PALM2AKAP2: variants seen among roughly 807,000 people sequenced by gnomAD.
The protein encoded by PALM2AKAP2 is PALM2 and AKAP2 fusion.
Under a neutral mutation model 71.5 loss-of-function variants are expected in PALM2AKAP2, and 37 were observed. The observed-to-expected ratio is 0.52, with a 90% confidence interval of 0.40 to 0.68. The LOEUF is 0.68. PALM2AKAP2 is among the 30% of genes least tolerant of loss of function. The probability of loss-of-function intolerance (pLI) is 0.00; values close to 1 mark genes in which losing one functional copy is unlikely to be tolerated. For missense variants in PALM2AKAP2, 1,224 were observed against 1,191.8 expected (o/e 1.03, Z -0.40); for synonymous variants, 468 against 478.8 (o/e 0.98, Z 0.29).
intron 1 of PALM2AKAP2, among the ~76,000 whole-genome samples, chr9:109,661,907 T>C (rs1302114363): frequency 6.6e-6 from 1 of 152,188 alleles, no homozygotes; most frequent in Non-Finnish European, 1.5e-5. Flanking sequence ...GATTCCTAGG[T>C]ATTTTATTCT....
At chr9:110,027,767 G>A (rs1300617896) in intron 7 of PALM2AKAP2, among the ~76,000 whole-genome samples, 1 of 152,194 alleles carries the variant, frequency 6.6e-6, no homozygotes, top group Non-Finnish European at 1.5e-5. Context: ...TCTTCCGGTG[G>A]TGAATAGAGG....
Position 109,660,646 on chromosome 9 carries a change from G to A in PALM2AKAP2, c.5+19780G>A, listed in dbSNP as rs145760510. Among the ~76,000 whole-genome samples, 472 of 152,112 alleles carry A rather than the reference G, an allele frequency of 3.1e-3. 6 individuals carry two copies. The East Asian group carries it at 0.045, about 14-fold the overall frequency. On this transcript the variant is annotated intron_variant, in intron 1 of 6. Coordinates refer to the PALM2AKAP2 transcript ENST00000374531. ...AGTCTTTTCTATTGTGAATAGTGCC[G>A]CAATAAATATACGTGTGCATGTGTC...
intron 6 of PALM2AKAP2, among the ~76,000 whole-genome samples, chr9:109,941,145 CTTTT>C (rs34635858): frequency 1.0e-3 from 106 of 106,272 alleles, no homozygotes; most frequent in African/African-American, 3.7e-3. Flanking sequence ...TCTTCCTCTT[CTTTT>C]TTTTTTTTTT....
chr9:109,829,404 A>G (rs1011455886), intron 1 of PALM2AKAP2, among the ~76,000 whole-genome samples: 5 of 152,132 alleles, frequency 3.3e-5, no homozygotes, highest in Admixed American at 6.5e-5. Flanking sequence ...AGGACTAGAG[A>G]GTGACTGATT....
At chr9:109,760,143 C>T (rs185158949) in intron 1 of PALM2AKAP2, among the ~76,000 whole-genome samples, 1 of 152,266 alleles carries the variant, frequency 6.6e-6, no homozygotes, top group African/African-American at 2.4e-5. Context: ...TGAAAAGAAT[C>T]ATGCATCCTG....
At chr9:110,036,214 C>T (rs955366140) in intron 7 of PALM2AKAP2, among the ~76,000 whole-genome samples, 1 of 152,158 alleles carries the variant, frequency 6.6e-6, no homozygotes, top group Non-Finnish European at 1.5e-5. Context: ...GGATTACAGG[C>T]GTGAGCCACT....
chr9:109,934,826 T>C (rs574853311), intron 6 of PALM2AKAP2, among the ~76,000 whole-genome samples: 1 of 152,384 alleles, frequency 6.6e-6, no homozygotes, highest in African/African-American at 2.4e-5. Flanking sequence ...ATACATATAC[T>C]ACTTCACCTG....
intron 7 of PALM2AKAP2, among the ~76,000 whole-genome samples, chr9:110,037,805 C>T (rs781231456): frequency 6.6e-6 from 1 of 152,108 alleles, no homozygotes; most frequent in Non-Finnish European, 1.5e-5. Context: ...TTGCAATATA[C>T]TTGTTAATTT....
intron 6 of PALM2AKAP2, among the ~76,000 whole-genome samples, chr9:110,001,622 G>A (rs944365024): frequency 1.3e-5 from 2 of 152,076 alleles, no homozygotes; most frequent in African/African-American, 4.8e-5. Context: ...CCATTTTCAT[G>A]ATATTGATTC....
upstream of PALM2AKAP2, among the ~76,000 whole-genome samples, chr9:110,046,207 C>T (rs139793957): frequency 2.0e-5 from 3 of 152,226 alleles, no homozygotes; most frequent in East Asian, 5.8e-4. Flanking sequence ...ACAAATTAAA[C>T]AACTATTTCT....
chr9:109,782,611 C>G (rs559818879), intron 1 of PALM2AKAP2, among the ~76,000 whole-genome samples: 5 of 152,024 alleles, frequency 3.3e-5, no homozygotes, highest in African/African-American at 1.2e-4. Flanking sequence ...ATGCAAATAC[C>G]ATGCTATTTT....
intron 3 of PALM2AKAP2, among the ~76,000 whole-genome samples, chr9:109,894,666 A>G (rs1332173054): frequency 6.6e-6 from 1 of 152,198 alleles, no homozygotes; most frequent in Non-Finnish European, 1.5e-5. Context: ...GAGTGCTAGT[A>G]TTGGTCTGTG....
chr9:109,960,461 T>C (rs1442611712), intron 6 of PALM2AKAP2, among the ~76,000 whole-genome samples: 1 of 152,136 alleles, frequency 6.6e-6, no homozygotes, highest in Non-Finnish European at 1.5e-5. Context: ...TTATAGACCA[T>C]AGATGAAAAA....
At chr9:110,053,527 C>CAAAAAAAAAAAAAAAAAAAAGAAAA (rs1833757150) in intron 1 of PALM2AKAP2, among the ~76,000 whole-genome samples, 2 of 82,876 alleles carry the variant, frequency 2.4e-5, no homozygotes, top group East Asian at 4.0e-4. Context: ...AACTCTGTCT[C>CAAAAAAAAAAAAAAAAAAAAGAAAA]AAAAAAAAAA....
intron 1 of PALM2AKAP2, among the ~76,000 whole-genome samples, chr9:109,758,540 G>A (rs1829001798): frequency 6.6e-6 from 1 of 151,860 alleles, no homozygotes; most frequent in Admixed American, 6.6e-5. Context: ...TTGTGTGTGT[G>A]TGTGTGTGTG....
chr9:109,903,955 A>G (rs1357994150), intron 3 of PALM2AKAP2, among the ~76,000 whole-genome samples: 1 of 152,254 alleles, frequency 6.6e-6, no homozygotes, highest in Non-Finnish European at 1.5e-5. Context: ...GAATCTACAG[A>G]TATTCCTGAA....
At position 110,090,941 on chromosome 9, in the gene PALM2AKAP2, T is replaced by G. The variant is rs569374428; in HGVS notation, c.156+42086T>G. Among the ~76,000 whole-genome samples the G allele has an allele frequency of 2.0e-5, 3 of 148,906 alleles. No individual in the cohort carries two copies. In the Admixed American group the frequency reaches 2.1e-4, roughly 10 times the overall value. On this transcript the variant is annotated intron_variant, in intron 1 of 3. Transcript: ENST00000374525. Reference sequence around the variant, plus strand: ...GAATGTATGAACGGTATACATGCTATGCTTTAAAATCTAGCTCAATTTTTT... The same window carrying G: ...GAATGTATGAACGGTATACATGCTAGGCTTTAAAATCTAGCTCAATTTTTT...
At chr9:110,097,724 C>A (rs1834888053) in intron 1 of PALM2AKAP2, among the ~76,000 whole-genome samples, 1 of 144,548 alleles carries the variant, frequency 6.9e-6, no homozygotes, top group African/African-American at 2.8e-5. Flanking sequence ...CGATGGGCGG[C>A]CAGGCAGAGA....
At chr9:110,082,736 A>T (rs75900512) in intron 1 of PALM2AKAP2, among the ~76,000 whole-genome samples, 2,021 of 152,338 alleles carry the variant, frequency 0.013, 38 homozygotes, top group African/African-American at 0.047. Flanking sequence ...TAACCATGTT[A>T]AGGTATACAG....
Sources: gnomAD v4.1 joint callset for allele counts (sites outside exome capture counted in the v4.1 genomes callset) on GRCh38, gnomAD v4.1.1 for gene constraint, MANE v1.5 for transcripts, NCBI Gene and HGNC (gene_info 2026-07-23, HGNC 2026-07-21) for gene names.